Variants in SCAF11 observed in about 807,000 individuals in gnomAD.
SCAF11 encodes SR-related CTD associated factor 11, also known as protein SCAF11.
In SCAF11, 47 loss-of-function variants were observed where a neutral mutation model predicts 140.5. That is an observed-to-expected ratio of 0.33 (90% CI 0.26 to 0.43). The LOEUF is 0.43. Ranked by LOEUF, SCAF11 falls within the 20% of genes least tolerant of loss-of-function variation. SCAF11 has a pLI of 1.00. For synonymous variants in SCAF11, 557 were observed against 579.4 expected (o/e 0.96, Z 0.55); for missense variants, 1,645 against 1,705.1 (o/e 0.96, Z 0.62).
intron 1 of SCAF11, among the ~76,000 whole-genome samples, chr12:45,969,643 T>C (rs1946028850): frequency 6.6e-6 from 1 of 152,266 alleles, no homozygotes; most frequent in African/African-American, 2.4e-5. Context: ...CCACTTTCTT[T>C]GTTTTCCCTA....
At chr12:45,989,974 T>C (rs952888908) in intron 1 of SCAF11, among the ~76,000 whole-genome samples, 6 of 147,726 alleles carry the variant, frequency 4.1e-5, no homozygotes, top group African/African-American at 1.5e-4. Flanking sequence ...GTGGAGCCCC[T>C]TCCCCCCCCC....
intron 1 of SCAF11, among the ~76,000 whole-genome samples, chr12:45,965,447 G>A (rs1424194130): frequency 1.3e-5 from 2 of 152,144 alleles, no homozygotes; most frequent in Non-Finnish European, 2.9e-5. Context: ...ATATGGCAAA[G>A]GCAAGAAATT....
chr12:45,928,442 T>A lies in SCAF11; in HGVS notation c.1259A>T (p.Glu420Val). Residue 420 changes from glutamate (E) to valine (V), a missense_variant, in exon 11 of 15, where the codon GAA (glutamate) becomes GTA (valine). Around this residue, in one of 2 missense-constraint regions of SCAF11, gnomAD observed 1,582 missense variants for 1,609.2 expected, o/e 0.98. Transcript: ENST00000369367. ...GTCTACATCTGGTTGGTGCTCTTTT[T>A]CTAACACAGGTGATGTGTCAGATTC... is the stretch of plus-strand genomic sequence containing the variant. ...TAESDTSPVLEKEHQPDVDSS... is the reference protein window; with the variant it reads ...TAESDTSPVLVKEHQPDVDSS... 6.2e-7 allele frequency: 1 copy of A among 1,612,592 alleles called. No individual in the cohort carries two copies. Among genetic ancestry groups the A allele is most frequent in the Non-Finnish European group, 8.5e-7 (1 of 1,178,784 alleles).
At chr12:45,928,996 C>T in intron 10 of SCAF11, 137 bp from the exon 11 acceptor site, 1 of 462,712 alleles carries the variant, frequency 2.2e-6, no homozygotes, top group Non-Finnish European at 3.7e-6. Flanking sequence ...TTAATAAATG[C>T]ATAGCTACTA....
rs1380015146 is a variant in SCAF11, at chr12:45,927,463, T to G, written c.2238A>C (p.Glu746Asp). ...SVNADLKQMN[E>D]NSVTHCSENN... ...TTTCAGAACAGTGTGTCACAGAATTTTCATTCATTTGTTTAAGATCAGCAT... is the reference window on the plus strand; with the variant it reads ...TTTCAGAACAGTGTGTCACAGAATTGTCATTCATTTGTTTAAGATCAGCAT... The change falls in exon 11 of 15, where the codon GAA becomes GAC. Residue 746 changes from glutamate (E) to aspartate (D), a missense_variant. Transcript: ENST00000369367. 5.0e-6 allele frequency: 8 copies of G among 1,613,372 alleles called. No individual in the cohort carries two copies. Among genetic ancestry groups the G allele is most frequent in the Non-Finnish European group, 6.8e-6 (8 of 1,179,894 alleles).
chr12:45,956,076 T>C, intron 3 of SCAF11: 2 of 712,968 alleles, frequency 2.8e-6, no homozygotes, highest in African/African-American at 1.7e-5. Context: ...AACCCACATT[T>C]AAATGTAAGA....
chr12:45,973,391 AAGT>A (rs1364457433), intron 1 of SCAF11, among the ~76,000 whole-genome samples: 2 of 152,102 alleles, frequency 1.3e-5, no homozygotes, highest in Non-Finnish European at 2.9e-5. Flanking sequence ...AGAAAAAAGA[AAGT>A]AGAAAGAAGA....
chr12:45,957,075 T>C (rs1240968317), intron 3 of SCAF11, among the ~76,000 whole-genome samples: 3 of 152,202 alleles, frequency 2.0e-5, no homozygotes, highest in South Asian at 2.1e-4. Context: ...ATCTATTGCA[T>C]AGGCGTAATA....
At chr12:45,963,547 A>G (rs917089941) in intron 2 of SCAF11, among the ~76,000 whole-genome samples, 29 of 152,278 alleles carry the variant, frequency 1.9e-4, no homozygotes, top group Admixed American at 1.4e-3. Context: ...AAAAATTCAG[A>G]GTTTACCACC....
chr12:45,980,364 G>A (rs1222553963), intron 1 of SCAF11, among the ~76,000 whole-genome samples: 1 of 152,142 alleles, frequency 6.6e-6, no homozygotes, highest in Non-Finnish European at 1.5e-5. Context: ...ATTATTTATG[G>A]ATATGTTTAG....
At chr12:45,974,259 G>A (rs762737312) in intron 1 of SCAF11, 13 of 469,510 alleles carry the variant, frequency 2.8e-5, no homozygotes, top group Non-Finnish European at 5.3e-5. Context: ...TGATGGTGGA[G>A]GGTCTTGCTT....
At chr12:45,944,893 G>C (rs1945383570) in intron 6 of SCAF11, among the ~76,000 whole-genome samples, 1 of 152,118 alleles carries the variant, frequency 6.6e-6, no homozygotes, top group Admixed American at 6.5e-5. Context: ...CTTTGCTACT[G>C]CTTACAGTAA....
At chr12:45,979,646 G>A (rs896256179) in intron 1 of SCAF11, among the ~76,000 whole-genome samples, 2 of 152,114 alleles carry the variant, frequency 1.3e-5, no homozygotes, top group Non-Finnish European at 2.9e-5. Context: ...CTTGCACAGT[G>A]TAAACAGGAC....
At chr12:45,944,767 G>C (rs1945379307) in intron 6 of SCAF11, among the ~76,000 whole-genome samples, 1 of 127,946 alleles carries the variant, frequency 7.8e-6, no homozygotes, top group East Asian at 2.3e-4. Flanking sequence ...TGCTCATGTA[G>C]ATAAATATGT....
At chr12:45,948,261 AG>A (rs1945471012) in intron 5 of SCAF11, among the ~76,000 whole-genome samples, 175 bp downstream of exon 5, 1 of 152,158 alleles carries the variant, frequency 6.6e-6, no homozygotes, top group Non-Finnish European at 1.5e-5. Context: ...AAAACAGAGT[AG>A]AGCTCAAATC....
rs568537545 is a variant in SCAF11 at position 45,964,154 on chromosome 12, G to C, written c.14C>G (p.Thr5Ser). 6.5e-7 allele frequency: 1 copy of C among 1,528,136 alleles called. No individual in the cohort carries two copies. The highest frequency in any genetic ancestry group is 1.2e-5 in the South Asian group (1 of 86,952). 94.7% of individuals were successfully genotyped at this position (1,528,136 alleles called of 1,614,324 possible). A position where few individuals can be genotyped will look rare whatever the true frequency, so the allele number is the denominator to read the frequency against. ...ATCTCCCATATTTAGGGTACATACA[G>C]TTTTCTTCTTCATTTCTCTTTGGAA... MKKK[T>S]VCTLNMGDKK... Residue 5 changes from threonine to serine, a missense_variant, in exon 2 of 15, where the codon ACT becomes AGT. Thr to Ser is a moderately conservative substitution (Grantham distance 58, BLOSUM62 1). This residue lies in a region of SCAF11 where 1,582 missense variants were observed against 1,609.2 expected (regional missense o/e 0.98). Coordinates refer to ENST00000369367, the MANE Select transcript of SCAF11 (RefSeq NM_004719.3).
Position 45,972,905 on chromosome 12 carries a change from T to TAG in SCAF11, c.-21-8718_-21-8717insCT, listed in dbSNP as rs1946121943. Among the ~76,000 whole-genome samples, 2 of 96,754 alleles carry TAG rather than the reference T, an allele frequency of 2.1e-5. 1 individual carries two copies. Among genetic ancestry groups the TAG allele is most frequent in the Non-Finnish European group, 4.2e-5 (2 of 47,914 alleles). 63.5% of individuals were successfully genotyped at this position (96,754 alleles called of 152,430 possible). On this transcript the variant is annotated intron_variant, in intron 1 of 14. Coordinates refer to ENST00000369367, the MANE Select transcript of SCAF11 (RefSeq NM_004719.3). ...AGATATATATATAGATATATATATA[T>TAG]ATAGATATATATATAGATATATAGA...
intron 1 of SCAF11, among the ~76,000 whole-genome samples, chr12:45,965,863 G>C (rs1945934211): frequency 6.6e-6 from 1 of 152,116 alleles, no homozygotes; most frequent in Non-Finnish European, 1.5e-5. Context: ...CAAAGTCCCA[G>C]ACTTATAGTT....
intron 6 of SCAF11, among the ~76,000 whole-genome samples, chr12:45,941,584 A>G (rs980639459): frequency 6.6e-6 from 1 of 152,094 alleles, no homozygotes; most frequent in African/African-American, 2.4e-5. Context: ...CCCAAAAACC[A>G]CCACCATTCT....
Sources: allele counts gnomAD v4.1 joint callset (sites outside exome capture counted in the v4.1 genomes callset), GRCh38; gene constraint gnomAD v4.1.1; regional missense constraint gnomAD v4.1.1; transcripts MANE v1.5; gene names NCBI Gene and HGNC (gene_info 2026-07-23, HGNC 2026-07-21).